The following EFNA5 variants were observed in gnomAD, a reference collection of about 807,000 sequenced individuals.
The protein encoded by EFNA5 is ephrin-A5.
Under a neutral mutation model 22.9 loss-of-function variants are expected in EFNA5, and 5 were observed. The ratio of observed to expected loss-of-function variants is 0.22; its 90% confidence interval spans 0.11 to 0.46. The LOEUF (loss-of-function observed/expected upper bound fraction) is 0.46. Among genes scored for constraint, EFNA5 ranks in the 20% least tolerant of loss-of-function variants. EFNA5 has a pLI of 0.99. For synonymous variants in EFNA5, 113 were observed against 112.2 expected, an observed-to-expected ratio of 1.01 and a Z score of -0.04; for missense variants, 237 against 293.3, an observed-to-expected ratio of 0.81 and a Z score of 1.40.
intron 1 of EFNA5, among the ~76,000 whole-genome samples, chr5:107,471,279 C>T (rs909744614): frequency 6.6e-6 from 1 of 152,106 alleles, no homozygotes; most frequent in Non-Finnish European, 1.5e-5. Flanking sequence ...ACCTTCAGGC[C>T]TCTGTTGATT....
chr5:107,407,488 T>C (rs1432882719), intron 2 of EFNA5, among the ~76,000 whole-genome samples: 1 of 152,148 alleles, frequency 6.6e-6, no homozygotes, highest in Non-Finnish European at 1.5e-5. Flanking sequence ...CCAAAGTTCA[T>C]CTTACTTGGG....
At chr5:107,459,878 T>A (rs1436443856) in intron 1 of EFNA5, among the ~76,000 whole-genome samples, 3 of 152,080 alleles carry the variant, frequency 2.0e-5, no homozygotes, top group Non-Finnish European at 4.4e-5. Flanking sequence ...TAACTTTGTC[T>A]CCAGTTGCCA....
chr5:107,566,078 A>G (rs1434104397), intron 1 of EFNA5, among the ~76,000 whole-genome samples: 2 of 152,176 alleles, frequency 1.3e-5, no homozygotes, highest in Non-Finnish European at 2.9e-5. Context: ...GATTCTCTCA[A>G]TGGAAGAAGA....
At chr5:107,641,021 T>TAGACAGACAGAC (rs1554070907) in intron 1 of EFNA5, among the ~76,000 whole-genome samples, 7 of 111,944 alleles carry the variant, frequency 6.3e-5, no homozygotes, top group Admixed American at 3.5e-4. Context: ...GATAGATAGA[T>TAGACAGACAGAC]AGACAGACAG....
intron 1 of EFNA5, among the ~76,000 whole-genome samples, chr5:107,622,182 T>A (rs982216407): frequency 2.0e-5 from 3 of 152,202 alleles, no homozygotes; most frequent in Admixed American, 2.0e-4. Flanking sequence ...TCTATCCTGC[T>A]GCCTAGAAGG....
chr5:107,612,625 T>C (rs1749839590), intron 1 of EFNA5, among the ~76,000 whole-genome samples: 2 of 152,158 alleles, frequency 1.3e-5, no homozygotes, highest in Non-Finnish European at 2.9e-5. Flanking sequence ...GAGCATGTTC[T>C]TTGTTTAGTC....
At chr5:107,667,436 G>A (rs1580591944) in intron 1 of EFNA5, among the ~76,000 whole-genome samples, 1 of 152,010 alleles carries the variant, frequency 6.6e-6, no homozygotes, top group Non-Finnish European at 1.5e-5. Flanking sequence ...ATTTATCAAT[G>A]GAGAGGCAGT....
At chr5:107,452,515 G>T (rs969217497) in intron 1 of EFNA5, among the ~76,000 whole-genome samples, 13 of 151,930 alleles carry the variant, frequency 8.6e-5, no homozygotes, top group African/African-American at 3.1e-4. Context: ...CTTGAGCCCC[G>T]AAGTTTGAGA....
chr5:107,611,633 T>C (rs1475257386), intron 1 of EFNA5, among the ~76,000 whole-genome samples: 2 of 152,228 alleles, frequency 1.3e-5, no homozygotes, highest in Admixed American at 6.5e-5. Flanking sequence ...ATTGTGAATA[T>C]GTGAATATGA....
chr5:107,573,343 G>C (rs932122039), intron 1 of EFNA5, among the ~76,000 whole-genome samples: 4 of 151,996 alleles, frequency 2.6e-5, no homozygotes, highest in African/African-American at 7.2e-5. Flanking sequence ...TGAAACCAGG[G>C]GGTAAGAAGT....
At chr5:107,611,768 G>C (rs1056272451) in intron 1 of EFNA5, among the ~76,000 whole-genome samples, 1 of 152,122 alleles carries the variant, frequency 6.6e-6, no homozygotes, top group Non-Finnish European at 1.5e-5. Context: ...GCCAGGGCTC[G>C]GATGGGCATT....
chr5:107,602,072 C>T (rs907598015), intron 1 of EFNA5, among the ~76,000 whole-genome samples: 8 of 152,080 alleles, frequency 5.3e-5, no homozygotes, highest in African/African-American at 1.2e-4. Flanking sequence ...GGGAAAGAGA[C>T]GTGAGCTCAC....
intron 1 of EFNA5, among the ~76,000 whole-genome samples, chr5:107,662,394 A>C (rs1258067660): frequency 6.6e-6 from 1 of 152,186 alleles, no homozygotes; most frequent in East Asian, 1.9e-4. Context: ...AATCTTACGG[A>C]AGCTCTGCTT....
At chr5:107,464,973 T>C (rs1412720681) in intron 1 of EFNA5, among the ~76,000 whole-genome samples, 1 of 152,154 alleles carries the variant, frequency 6.6e-6, no homozygotes, top group Non-Finnish European at 1.5e-5. Flanking sequence ...CTCTCTCTCT[T>C]TTTTGTCCTT....
At chr5:107,505,871 C>T (rs1411768365) in intron 1 of EFNA5, among the ~76,000 whole-genome samples, 1 of 151,830 alleles carries the variant, frequency 6.6e-6, no homozygotes, top group Non-Finnish European at 1.5e-5. Context: ...CAATTATGAT[C>T]ATCAACATCA....
At chr5:107,621,716 A>G (rs1750043748) in intron 1 of EFNA5, among the ~76,000 whole-genome samples, 1 of 152,258 alleles carries the variant, frequency 6.6e-6, no homozygotes, top group Non-Finnish European at 1.5e-5. Flanking sequence ...TAAACTAGAA[A>G]ACATGTAATT....
In EFNA5 at chr5:107,450,286, T is replaced by C. The variant is rs1321870545; in HGVS notation, c.126-22777A>G. Among the ~76,000 whole-genome samples, 12 of 152,270 alleles carry C rather than the reference T, an allele frequency of 7.9e-5. No individual in the cohort carries two copies. The East Asian group carries it at 2.3e-3, about 29-fold the overall frequency. ...TGTTTAGGATTCCAAAGGCAAAGTT[T>C]TTTTGCTCCTCTAGATGACAGCAAA... On this transcript the variant is annotated intron_variant, in intron 1 of 4. Coordinates refer to ENST00000333274, the MANE Select transcript of EFNA5 (RefSeq NM_001962.3).
intron 1 of EFNA5, among the ~76,000 whole-genome samples, chr5:107,500,764 T>C (rs182286822): frequency 2.6e-5 from 4 of 152,076 alleles, no homozygotes; most frequent in Admixed American, 6.6e-5. Context: ...TATTCAAATA[T>C]AATAAAAGGG....
intron 1 of EFNA5, among the ~76,000 whole-genome samples, chr5:107,591,935 TA>T (rs1561442985): frequency 0.013 from 189 of 14,814 alleles, 1 homozygote; most frequent in Non-Finnish European, 0.018. Context: ...TAATATATAA[TA>T]TATATATTAT....
Sources: allele counts gnomAD v4.1 joint callset (sites outside exome capture counted in the v4.1 genomes callset), GRCh38; gene constraint gnomAD v4.1.1; transcripts MANE v1.5; gene names NCBI Gene and HGNC (gene_info 2026-07-23, HGNC 2026-07-21).